The following ATP8A2 variants were observed in gnomAD, a reference collection of about 807,000 sequenced individuals.
The protein encoded by ATP8A2 is ATPase phospholipid transporting 8A2.
ATP8A2 carries 100 observed loss-of-function variants against 165.6 expected under a neutral mutation model. That is an observed-to-expected ratio of 0.60 (90% CI 0.51 to 0.71). ATP8A2 has a LOEUF of 0.71. ATP8A2 is among the 30% of genes least tolerant of loss of function. The pLI, the probability that ATP8A2 is intolerant of heterozygous loss-of-function variation, is 0.00. For missense variants in ATP8A2, 1,227 were observed against 1,479.5 expected, an observed-to-expected ratio of 0.83 and a Z score of 2.80; for synonymous variants, 543 against 548.8, an observed-to-expected ratio of 0.99 and a Z score of 0.15.
intron 24 of ATP8A2, among the ~76,000 whole-genome samples, chr13:25,614,721 T>A (rs1051802601): frequency 1.3e-5 from 2 of 152,206 alleles, no homozygotes; most frequent in Non-Finnish European, 2.9e-5. Flanking sequence ...TCTCCGCCTT[T>A]TCCTAGGCAT....
chr13:25,391,724 T>C (rs2033254785), intron 1 of ATP8A2, among the ~76,000 whole-genome samples: 1 of 152,192 alleles, frequency 6.6e-6, no homozygotes, highest in Admixed American at 6.5e-5. Context: ...AGAAAGAAAC[T>C]TACATGTATG....
Position 25,699,333 on chromosome 13 carries a change from T to C in ATP8A2, c.2372T>C (p.Val791Ala). 6.2e-7 allele frequency: 1 copy of C among 1,612,122 alleles called. No individual in the cohort carries two copies. Among genetic ancestry groups the C allele is most frequent in the Non-Finnish European group, 8.5e-7 (1 of 1,178,968 alleles). Residue 791 changes from valine to alanine, a missense_variant, in exon 25 of 37, where the codon GTC becomes GCC. Around this residue, in one of 5 missense-constraint regions of ATP8A2, gnomAD observed 592 missense variants for 785.6 expected, o/e 0.75. Transcript: ENST00000381655. Reference protein sequence around the residue: ...FLDLALSCKAVICCRVSPLQK... With the variant: ...FLDLALSCKAAICCRVSPLQK... ...GATTTGGCACTCTCGTGCAAAGCGG[T>C]CATATGCTGCAGGTAGGAACCTGCA...
chr13:25,464,689 C>T (rs139422980), intron 1 of ATP8A2, among the ~76,000 whole-genome samples: 104 of 152,282 alleles, frequency 6.8e-4, no homozygotes, highest in African/African-American at 2.3e-3. Context: ...TATGACCTAG[C>T]TGATGGGCTC....
At chr13:25,787,415 G>A (rs2045057187) in intron 27 of ATP8A2, among the ~76,000 whole-genome samples, 1 of 152,148 alleles carries the variant, frequency 6.6e-6, no homozygotes, top group African/African-American at 2.4e-5. Context: ...TTGCTGAGTG[G>A]TATTCCATTG....
chr13:25,675,246 C>G (rs917928851), intron 24 of ATP8A2, among the ~76,000 whole-genome samples: 4 of 152,166 alleles, frequency 2.6e-5, no homozygotes, highest in African/African-American at 9.7e-5. Flanking sequence ...TTGCATGACC[C>G]GTAATACCAG....
chr13:25,539,917 ATG>A lies in ATP8A2; in HGVS notation c.582-396_582-395del, dbSNP rs777632698. Among the ~76,000 whole-genome samples the A allele has an allele frequency of 2.6e-5, 4 of 152,178 alleles. No homozygotes were observed. In the East Asian group the frequency reaches 7.7e-4, roughly 29 times the overall value. On this transcript the variant is annotated intron_variant, in intron 7 of 36. Coordinates refer to ENST00000381655, the MANE Select transcript of ATP8A2 (RefSeq NM_016529.6). Reference sequence around the variant, plus strand: ...CTCTGGCTGTTGTTTTCTTCAAAAAATGTGTGTTTCTACTGGCCATGCCTTGG... The same window carrying A: ...CTCTGGCTGTTGTTTTCTTCAAAAAATGTGTTTCTACTGGCCATGCCTTGG...
intron 33 of ATP8A2, among the ~76,000 whole-genome samples, chr13:25,927,651 T>C (rs1954649560): frequency 6.6e-6 from 1 of 152,366 alleles, no homozygotes; most frequent in Non-Finnish European, 1.5e-5. Flanking sequence ...GTGAAAGATA[T>C]GTAAATCCTC....
chr13:25,880,531 A>G (rs1269357353), intron 33 of ATP8A2, among the ~76,000 whole-genome samples: 2 of 152,186 alleles, frequency 1.3e-5, no homozygotes, highest in Non-Finnish European at 1.5e-5. Context: ...CCTCAGGGGT[A>G]TTGAAAGGTT....
At chr13:25,469,351 C>T (rs1183665449) in intron 2 of ATP8A2, among the ~76,000 whole-genome samples, 1 of 152,228 alleles carries the variant, frequency 6.6e-6, no homozygotes, top group East Asian at 1.9e-4. Context: ...GTTCTGCGCC[C>T]AGCCTGCCTC....
At chr13:25,432,654 T>C (rs1399955174) in intron 1 of ATP8A2, among the ~76,000 whole-genome samples, 1 of 144,260 alleles carries the variant, frequency 6.9e-6, no homozygotes, top group Non-Finnish European at 1.5e-5. Flanking sequence ...CTGCTCATTT[T>C]CTTCCTGTCA....
rs867294133 is a variant in ATP8A2 at position 25,513,052 on chromosome 13, C to T, written c.222-16947C>T. 6.1e-3 allele frequency among the ~76,000 whole-genome samples: 829 copies of T among 136,292 alleles called. 7 individuals carry two copies. The highest frequency in any genetic ancestry group is 0.021 in the East Asian group (86 of 4,126). 89.4% of individuals were successfully genotyped at this position (136,292 alleles called of 152,430 possible). A position where few individuals can be genotyped will look rare whatever the true frequency, so the allele number is the denominator to read the frequency against. The stretch of plus-strand genomic sequence containing the variant: ...CTCCCGGACGGGGCGGCTGGCCTGG[C>T]GGGGGCTGACCCCCACCTCCCTCCC... On this transcript the variant is annotated intron_variant, in intron 2 of 36. Coordinates refer to ENST00000381655, the MANE Select transcript of ATP8A2 (RefSeq NM_016529.6).
chr13:25,877,537 C>T (rs1433207923), intron 33 of ATP8A2, among the ~76,000 whole-genome samples: 1 of 152,042 alleles, frequency 6.6e-6, no homozygotes, highest in Non-Finnish European at 1.5e-5. Context: ...TAAGTTAGTT[C>T]TTAGTTGTCT....
chr13:25,751,550 C>A (rs2044153874), intron 25 of ATP8A2, among the ~76,000 whole-genome samples: 1 of 152,140 alleles, frequency 6.6e-6, no homozygotes, highest in Non-Finnish European at 1.5e-5. Flanking sequence ...GATCTTCCTG[C>A]CTCAGCCTCC....
At chr13:25,403,192 G>A (rs972089023) in intron 1 of ATP8A2, among the ~76,000 whole-genome samples, 4 of 152,170 alleles carry the variant, frequency 2.6e-5, no homozygotes, top group African/African-American at 9.7e-5. Flanking sequence ...GAGAGGACAC[G>A]GCAAACAAGG....
At chr13:25,495,132 A>C (rs555689129) in intron 2 of ATP8A2, among the ~76,000 whole-genome samples, 2 of 152,344 alleles carry the variant, frequency 1.3e-5, no homozygotes, top group East Asian at 3.9e-4. Context: ...AAGAACAGGA[A>C]GTCGACAACG....
At chr13:25,586,458 G>T (rs2039924683) in intron 23 of ATP8A2, among the ~76,000 whole-genome samples, 1 of 152,188 alleles carries the variant, frequency 6.6e-6, no homozygotes, top group African/African-American at 2.4e-5. Flanking sequence ...AGGTGCCCAG[G>T]CGTGTGCTCC....
At chr13:25,749,687 G>A (rs2044113595) in intron 25 of ATP8A2, among the ~76,000 whole-genome samples, 1 of 152,162 alleles carries the variant, frequency 6.6e-6, no homozygotes, top group Non-Finnish European at 1.5e-5. Flanking sequence ...TGCCTTAGGA[G>A]CAGACCAAGG....
At chr13:25,413,482 A>T (rs559878124) in intron 1 of ATP8A2, among the ~76,000 whole-genome samples, 1 of 151,868 alleles carries the variant, frequency 6.6e-6, no homozygotes, top group African/African-American at 2.4e-5. Context: ...GAGTTTTGCC[A>T]TGTTGGCCAG....
chr13:25,985,683 A>C (rs1956268436), intron 35 of ATP8A2, among the ~76,000 whole-genome samples: 1 of 152,210 alleles, frequency 6.6e-6, no homozygotes, highest in Admixed American at 6.5e-5. Context: ...AGGTGACCCA[A>C]AGTAATGGGG....
Sources: allele counts gnomAD v4.1 joint callset (sites outside exome capture counted in the v4.1 genomes callset), GRCh38; gene constraint gnomAD v4.1.1; regional missense constraint gnomAD v4.1.1; transcripts MANE v1.5; gene names NCBI Gene and HGNC (gene_info 2026-07-23, HGNC 2026-07-21).